Variants in CDK10 observed in about 807,000 individuals in gnomAD.
The protein encoded by CDK10 is cyclin-dependent kinase 10.
In CDK10, 55 loss-of-function variants were observed where a neutral mutation model predicts 51.0. That is an observed-to-expected ratio of 1.08 (90% confidence interval 0.87 to 1.35). The LOEUF is 1.35. Among genes scored for constraint, CDK10 ranks in the 40% most tolerant of loss-of-function variants. The probability of loss-of-function intolerance (pLI) is 0.00; values close to 1 mark genes in which losing one functional copy is unlikely to be tolerated. For synonymous variants in CDK10, 255 were observed against 199.1 expected, an observed-to-expected ratio of 1.28 and a Z score of -2.36; for missense variants, 589 against 485.1, an observed-to-expected ratio of 1.21 and a Z score of -2.01.
In CDK10 at chr16:89,695,027, C is replaced by T. The variant is rs539203490; in HGVS notation, c.889C>T (p.Leu297=). ...HKFPWLSEAG[L]RLLHFLFMYD... ...GTTCCCATGGCTGTCGGAGGCCGGG[C>T]TGCGCCTGCTGCACTTCCTGTTCAT... Residue 297 remains leucine, a synonymous_variant, in exon 11 of 13, where the codon CTG becomes TTG. Transcript: ENST00000353379. 118 of 1,613,238 alleles carry T rather than the reference C, an allele frequency of 7.3e-5. No homozygotes were observed. In the South Asian group the frequency reaches 1.2e-3, roughly 17 times the overall value.
At position 89,694,954 on chromosome 16, in the gene CDK10, C is replaced by A. The variant is rs370962699; in HGVS notation, c.816C>A (p.Val272=). ...AGGGCTTTTCCAAGCTGCCACTGGT[C>A]GGCCAGTACAGCCTCCGGAAGCAGC... is the stretch of plus-strand genomic sequence containing the variant. ...IWPGFSKLPL[V]GQYSLRKQPY... Residue 272 remains valine (V), a synonymous_variant, in exon 11 of 13, where the codon GTC becomes GTA. Transcript: ENST00000353379. 3 of 1,613,074 alleles carry A rather than the reference C, an allele frequency of 1.9e-6. No homozygotes were observed. Among genetic ancestry groups the A allele is most frequent in the African/African-American group, 2.7e-5 (2 of 74,936 alleles).
chr16:89,695,438 C>G (rs1176159244), intron 12 of CDK10, 93 bp downstream of exon 12: 1 of 1,483,368 alleles, frequency 6.7e-7, no homozygotes, highest in African/African-American at 1.4e-5. Flanking sequence ...CTGCTGCCCT[C>G]ACTGACGGCA....
At chr16:89,687,933 T>TG in intron 1 of CDK10, 1 of 269,856 alleles carries the variant, frequency 3.7e-6, no homozygotes, top group Non-Finnish European at 7.5e-6. Context: ...TGAGGACAAA[T>TG]GCGGCCAGTG....
rs778742347 is a variant in CDK10, at chr16:89,691,817, T to C, written c.347T>C (p.Val116Ala). Reference sequence around the variant, plus strand: ...TCTGTTTCTTCCAGCATCTTCCTGGTGATGGGTTACTGTGAGCAGGACCTG... The same window carrying C: ...TCTGTTTCTTCCAGCATCTTCCTGGCGATGGGTTACTGTGAGCAGGACCTG... Reference protein sequence around the residue: ...VGNHLESIFLVMGYCEQDLAS... With the variant: ...VGNHLESIFLAMGYCEQDLAS... The change falls in exon 5 of 13, where the codon GTG becomes GCG. Residue 116 changes from valine to alanine, a missense_variant. Physicochemically the swap from Val to Ala is moderately conservative, Grantham distance 64. Coordinates refer to ENST00000353379, the MANE Select transcript of CDK10 (RefSeq NM_052988.5). 1.2e-6 allele frequency: 2 copies of C among 1,613,786 alleles called. No individual in the cohort carries two copies. Among genetic ancestry groups the C allele is most frequent in the South Asian group, 2.2e-5 (2 of 91,062 alleles).
Position 89,694,943 on chromosome 16 carries a change from C to T in CDK10, c.805C>T (p.Leu269=), listed in dbSNP as rs766609467. The T allele has an allele frequency of 7.4e-6, 12 of 1,612,946 alleles. No homozygotes were observed. The highest frequency in any genetic ancestry group is 9.3e-6 in the Non-Finnish European group (11 of 1,179,958). ...CTGCCTCCCATAGGGCTTTTCCAAGCTGCCACTGGTCGGCCAGTACAGCCT... is the reference window on the plus strand; with the variant it reads ...CTGCCTCCCATAGGGCTTTTCCAAGTTGCCACTGGTCGGCCAGTACAGCCT... ...SENIWPGFSK[L]PLVGQYSLRK... Residue 269 remains leucine (L), a synonymous_variant, in exon 11 of 13, where the codon CTG becomes TTG. Transcript: ENST00000353379.
intron 4 of CDK10, 98 bp downstream of exon 4, chr16:89,691,643 G>A (rs2060455329): frequency 8.0e-7 from 1 of 1,243,806 alleles, no homozygotes; most frequent in Admixed American, 1.9e-5. Context: ...CTGGGCATGA[G>A]GTTGTCAGAG....
At chr16:89,693,762 G>A (rs558873230) in intron 8 of CDK10, 321 of 555,640 alleles carry the variant, frequency 5.8e-4, no homozygotes, top group African/African-American at 5.5e-3. Flanking sequence ...GCTGCTTCAC[G>A]GACTGAAGGA....
intron 9 of CDK10, 45 bp from the exon 10 acceptor site, chr16:89,694,620 G>A: frequency 1.9e-6 from 3 of 1,563,246 alleles, no homozygotes; most frequent in Non-Finnish European, 1.7e-6. Context: ...GCGCTGGCGG[G>A]GTCAGCAGAC....
At chr16:89,692,073 A>G in intron 5 of CDK10, 186 bp downstream of exon 5, 1 of 621,362 alleles carries the variant, frequency 1.6e-6, no homozygotes, top group South Asian at 1.9e-5. Flanking sequence ...GGGAGCGGGC[A>G]GCCCCAGGGC....
chr16:89,695,378 G>A (rs1367854748), intron 12 of CDK10, 33 bp downstream of exon 12: 1 of 1,600,284 alleles, frequency 6.2e-7, no homozygotes. Context: ...TCGCTCTGTG[G>A]GGTATGGCTG....
chr16:89,691,174 A>G (rs1489904698), intron 3 of CDK10, among the ~76,000 whole-genome samples: 2 of 152,126 alleles, frequency 1.3e-5, no homozygotes, highest in African/African-American at 2.4e-5. Context: ...AATCCCAGCT[A>G]CTAGGGAGGC....
chr16:89,691,880 A>G lies in CDK10; in HGVS notation c.410A>G (p.Glu137Gly). The change falls in exon 5 of 13, where the codon GAG becomes GGG. Residue 137 changes from glutamate to glycine, a missense_variant. Glu to Gly is a moderately conservative substitution (Grantham distance 98). Coordinates refer to ENST00000353379, the MANE Select transcript of CDK10 (RefSeq NM_052988.5). ...GAGAATATGCCAACACCCTTCTCGG[A>G]GGCTCAGGTGCGTGGCAGAGGGGCC... is the stretch of plus-strand genomic sequence containing the variant. ...LLENMPTPFSEAQVKCIVLQV... is the reference protein window; with the variant it reads ...LLENMPTPFSGAQVKCIVLQV... The G allele has an allele frequency of 6.2e-7, 1 of 1,613,740 alleles. No individual in the cohort carries two copies. Among genetic ancestry groups the G allele is most frequent in the Non-Finnish European group, 8.5e-7 (1 of 1,179,870 alleles).
At chr16:89,694,535 A>C (rs1291380344) in intron 9 of CDK10, 130 bp from the exon 10 acceptor site, 1 of 1,484,830 alleles carries the variant, frequency 6.7e-7, no homozygotes, top group African/African-American at 1.4e-5. Context: ...TGTCCTTCAC[A>C]GTGTCCCTGA....
rs192221267 is a variant in CDK10, at chr16:89,686,722, A to T, written c.12A>T (p.Pro4=). 5.3e-3 allele frequency: 8,565 copies of T among 1,605,928 alleles called. 35 individuals are homozygous for T. The highest frequency in any genetic ancestry group is 6.1e-3 in the Non-Finnish European group (7,223 of 1,176,298). Residue 4 remains proline, a synonymous_variant, in exon 1 of 13, where the codon CCA becomes CCT. Coordinates refer to ENST00000353379, the MANE Select transcript of CDK10 (RefSeq NM_052988.5). MAE[P]DLECEQIRLK... ...GGCCAGCGCTCGGCATGGCGGAGCC[A>T]GATCTGGAGTGCGAGCAGATCCGTC...
In CDK10 at chr16:89,694,697, C is replaced by T. The variant is rs1268776590; in HGVS notation, c.701C>T (p.Ala234Val). The T allele has an allele frequency of 8.2e-6, 13 of 1,588,062 alleles. No individual in the cohort carries two copies. The highest frequency in any genetic ancestry group is 1.7e-4 in the Middle Eastern group (1 of 6,058). ...AVGCILAELL[A>V]HRPLLPGTSE... ...GGCTGCATACTGGCCGAGCTGCTGG[C>T]GCACAGGCCTCTTCTCCCCGGCACT... The change falls in exon 10 of 13, where the codon GCG becomes GTG. Residue 234 changes from alanine to valine, a missense_variant. Transcript: ENST00000353379.
chr16:89,687,283 C>G (rs541210516), intron 1 of CDK10: 2 of 339,940 alleles, frequency 5.9e-6, no homozygotes, highest in South Asian at 4.4e-5. Flanking sequence ...GCCGGTGCCT[C>G]CCTCTGCAGA....
chr16:89,688,183 G>C (rs578111110), intron 1 of CDK10, among the ~76,000 whole-genome samples: 1 of 144,538 alleles, frequency 6.9e-6, no homozygotes, highest in East Asian at 2.2e-4. Flanking sequence ...CTGGGTTCAC[G>C]CCATCCTCCT....
Position 89,693,370 on chromosome 16 carries a change from G to A in CDK10, c.539-28G>A, listed in dbSNP as rs201565944. 11 of 1,614,162 alleles carry A rather than the reference G, an allele frequency of 6.8e-6. No individual in the cohort carries two copies. In the Admixed American group the frequency reaches 8.3e-5, roughly 12 times the overall value. ...AGGCCCTGTCCCTAGATGGCACTTGGTGACACACACTCCCCTCTCTGCTGC... is the reference window on the plus strand; with the variant it reads ...AGGCCCTGTCCCTAGATGGCACTTGATGACACACACTCCCCTCTCTGCTGC... On this transcript the variant is annotated intron_variant, in intron 7 of 12. Coordinates refer to ENST00000353379, the MANE Select transcript of CDK10 (RefSeq NM_052988.5).
rs1307089533 is a variant in CDK10, at chr16:89,691,804, A to G, written c.336-2A>G. 1 of 1,613,670 alleles carries G rather than the reference A, an allele frequency of 6.2e-7. No individual in the cohort carries two copies. Among genetic ancestry groups the G allele is most frequent in the Non-Finnish European group, 8.5e-7 (1 of 1,179,850 alleles). Reference sequence around the variant, plus strand: ...GTGGCATGCATCTTCTGTTTCTTCCAGCATCTTCCTGGTGATGGGTTACTG... The same window carrying G: ...GTGGCATGCATCTTCTGTTTCTTCCGGCATCTTCCTGGTGATGGGTTACTG... On this transcript the variant is annotated splice_acceptor_variant, in intron 4 of 12. Coordinates refer to ENST00000353379, the MANE Select transcript of CDK10 (RefSeq NM_052988.5). LOFTEE classifies it high-confidence loss of function.
Sources: gnomAD v4.1 joint callset for allele counts (sites outside exome capture counted in the v4.1 genomes callset) on GRCh38, gnomAD v4.1.1 for gene constraint, MANE v1.5 for transcripts, NCBI Gene and HGNC (gene_info 2026-07-23, HGNC 2026-07-21) for gene names.